The following PDHX variants were observed in gnomAD, a reference collection of about 807,000 sequenced individuals.
The protein encoded by PDHX is pyruvate dehydrogenase complex component X.
PDHX carries 33 observed loss-of-function variants against 55.3 expected under a neutral mutation model. The ratio of observed to expected loss-of-function variants is 0.60; its 90% CI spans 0.45 to 0.80. PDHX has a LOEUF of 0.80. Ranked by LOEUF, PDHX falls within the 30% of genes least tolerant of loss-of-function variation. The pLI is 0.00. For missense variants in PDHX, 622 were observed against 619.9 expected (o/e 1.00, Z -0.04); for synonymous variants, 226 against 219.4 (o/e 1.03, Z -0.27).
chr11:34,951,362 T>A (rs1430938570), intron 3 of PDHX, among the ~76,000 whole-genome samples: 2 of 152,208 alleles, frequency 1.3e-5, no homozygotes, highest in African/African-American at 4.8e-5. Context: ...CCCGGCCTGT[T>A]TCCTGACTTT....
At chr11:34,947,441 C>T (rs753995427) in intron 2 of PDHX, 65 bp from the exon 3 acceptor site, 46 of 1,024,524 alleles carry the variant, frequency 4.5e-5, no homozygotes, top group Non-Finnish European at 6.5e-5. Context: ...TTTATTCATA[C>T]GTACATATAT....
At chr11:34,928,879 T>C (rs543537912) in intron 1 of PDHX, among the ~76,000 whole-genome samples, 1 of 152,348 alleles carries the variant, frequency 6.6e-6, no homozygotes, top group Admixed American at 6.5e-5. Flanking sequence ...ATTATGGTTG[T>C]ATTTAGTAGT....
At chr11:34,987,519 AAGAG>A (rs758650554) in intron 9 of PDHX, among the ~76,000 whole-genome samples, 20 of 151,002 alleles carry the variant, frequency 1.3e-4, no homozygotes, top group Admixed American at 8.6e-4. Flanking sequence ...GTGTATGTGT[AAGAG>A]AGAGAGATCT....
chr11:34,931,480 G>A lies in PDHX; in HGVS notation c.237G>A (p.Lys79=), dbSNP rs750973777. Residue 79 remains lysine (K), a synonymous_variant, in exon 2 of 11, where the codon AAG becomes AAA. Transcript: ENST00000227868. ...EEGNIVKWLK[K]EGEAVSAGDA... is the part of the protein sequence containing the mutation. ...GAAACATTGTGAAATGGCTGAAAAAGGAAGGTGAGGAGGTACCTTCCTAAT... is the reference window on the plus strand; with the variant it reads ...GAAACATTGTGAAATGGCTGAAAAAAGAAGGTGAGGAGGTACCTTCCTAAT... 7.6e-6 allele frequency: 12 copies of A among 1,577,198 alleles called. No homozygotes were observed. The highest frequency in any genetic ancestry group is 1.0e-5 in the Non-Finnish European group (12 of 1,148,280).
rs544628034 is a variant in PDHX, at chr11:34,956,456, A to T, written c.343-928A>T. ...TTCTATTGTTCATTAAATACAGCTA[A>T]TGAACCTTATTTAGAGTAATTGAAA... On this transcript the variant is annotated intron_variant, in intron 3 of 10. Coordinates refer to ENST00000227868, the MANE Select transcript of PDHX (RefSeq NM_003477.3). Among the ~76,000 whole-genome samples the T allele has an allele frequency of 1.8e-4, 28 of 152,268 alleles. 1 individual carries two copies. The highest frequency in any genetic ancestry group is 6.3e-4 in the African/African-American group (26 of 41,558).
At chr11:34,947,671 T>A in intron 3 of PDHX, 65 bp downstream of exon 3, 1 of 1,036,366 alleles carries the variant, frequency 9.6e-7, no homozygotes, top group Non-Finnish European at 1.5e-6. Context: ...TTCATTGTAG[T>A]AAAATTACCT....
chr11:34,951,955 A>T (rs1238152530), intron 3 of PDHX, among the ~76,000 whole-genome samples: 1 of 152,110 alleles, frequency 6.6e-6, no homozygotes, highest in Non-Finnish European at 1.5e-5. Context: ...TAAATAGGGA[A>T]TCCTTTCCCT....
intron 5 of PDHX, among the ~76,000 whole-genome samples, chr11:34,962,943 A>G (rs1565162002): frequency 6.6e-6 from 1 of 152,204 alleles, no homozygotes; most frequent in Non-Finnish European, 1.5e-5. Context: ...TTAGGCTTTT[A>G]GTATTATTGC....
intron 6 of PDHX, 60 bp downstream of exon 6, chr11:34,966,874 CAG>C: frequency 6.9e-7 from 1 of 1,443,568 alleles, no homozygotes; most frequent in Admixed American, 1.7e-5. Context: ...TTTTTTGAGA[CAG>C]AGTCTTGCAC....
intron 2 of PDHX, among the ~76,000 whole-genome samples, chr11:34,936,463 G>T (rs1590735662): frequency 1.3e-5 from 2 of 152,176 alleles, no homozygotes. Flanking sequence ...ACATGACAGG[G>T]ATCCAAGAAG....
intron 8 of PDHX, 100 bp downstream of exon 8, chr11:34,978,282 T>A (rs1855424813): frequency 1.3e-6 from 1 of 750,980 alleles, no homozygotes; most frequent in East Asian, 2.5e-5. Context: ...ATCACAAAAA[T>A]TTTATAATTG....
intron 2 of PDHX, among the ~76,000 whole-genome samples, chr11:34,932,868 A>G (rs574256464): frequency 6.6e-6 from 1 of 152,328 alleles, no homozygotes; most frequent in South Asian, 2.1e-4. Flanking sequence ...GGATTTGTTG[A>G]ATAACTTTTA....
At chr11:34,987,200 C>G (rs954543330) in intron 9 of PDHX, among the ~76,000 whole-genome samples, 1 of 152,134 alleles carries the variant, frequency 6.6e-6, no homozygotes, top group Non-Finnish European at 1.5e-5. Context: ...TTTACCTCCC[C>G]TTTGTCTTTT....
chr11:34,916,491 G>A (rs773929855), upstream of PDHX: 21 of 1,461,510 alleles, frequency 1.4e-5, no homozygotes, highest in Non-Finnish European at 1.8e-5. Context: ...CGGGAGGCAA[G>A]GCCAACGTGG....
intron 9 of PDHX, among the ~76,000 whole-genome samples, chr11:34,991,493 T>A (rs984919877): frequency 1.3e-5 from 2 of 152,202 alleles, no homozygotes; most frequent in Non-Finnish European, 2.9e-5. Context: ...TTATTTTTTA[T>A]AACCATTGTG....
At chr11:34,932,571 G>A (rs899713026) in intron 2 of PDHX, among the ~76,000 whole-genome samples, 2 of 152,162 alleles carry the variant, frequency 1.3e-5, no homozygotes, top group African/African-American at 2.4e-5. Flanking sequence ...TAAAAAGTTC[G>A]ACAAGCTGTT....
intron 1 of PDHX, among the ~76,000 whole-genome samples, chr11:34,924,628 A>C (rs1271754100): frequency 6.6e-6 from 1 of 152,202 alleles, no homozygotes; most frequent in Non-Finnish European, 1.5e-5. Flanking sequence ...ATTAGAGCCT[A>C]GGCAGTTTGA....
intron 2 of PDHX, among the ~76,000 whole-genome samples, chr11:34,944,003 C>T (rs1590741323): frequency 2.0e-5 from 3 of 151,354 alleles, no homozygotes; most frequent in Non-Finnish European, 2.9e-5. Flanking sequence ...GCTGTTATTA[C>T]TGTCCACTGC....
intron 7 of PDHX, among the ~76,000 whole-genome samples, chr11:34,973,409 T>C (rs1479860624): frequency 1.3e-5 from 2 of 152,234 alleles, no homozygotes; most frequent in Non-Finnish European, 2.9e-5. Flanking sequence ...CGCTCACATT[T>C]AATGGGATAG....
Sources: gnomAD v4.1 joint callset for allele counts (sites outside exome capture counted in the v4.1 genomes callset) on GRCh38, gnomAD v4.1.1 for gene constraint, MANE v1.5 for transcripts, NCBI Gene and HGNC (gene_info 2026-07-23, HGNC 2026-07-21) for gene names.